ROBO1: variants seen among roughly 807,000 people sequenced by gnomAD.
The protein encoded by ROBO1 is roundabout guidance receptor 1, also known as roundabout homolog 1.
A neutral mutation model predicts 195.9 loss-of-function variants in ROBO1; 149 were observed. The ratio of observed to expected loss-of-function variants is 0.76; its 90% confidence interval spans 0.67 to 0.87. The LOEUF is 0.87. Among genes scored for constraint, ROBO1 ranks in the 40% least tolerant of loss-of-function variants. The pLI, the probability that ROBO1 is intolerant of heterozygous loss-of-function variation, is 0.00. For synonymous variants in ROBO1, 816 were observed against 733.2 expected (o/e 1.11, Z -1.82); for missense variants, 1,933 against 2,068.3 (o/e 0.93, Z 1.27).
At chr3:79,500,116 TC>T in intron 2 of ROBO1, among the ~76,000 whole-genome samples, 1 of 129,320 alleles carries the variant, frequency 7.7e-6, no homozygotes, top group East Asian at 2.2e-4. Flanking sequence ...CAGTAAGTTT[TC>T]TCTTTTTTTT....
intron 2 of ROBO1, among the ~76,000 whole-genome samples, chr3:79,540,465 TCC>T (rs1942022652): frequency 2.6e-5 from 4 of 152,190 alleles, no homozygotes; most frequent in Non-Finnish European, 5.9e-5. Context: ...TGTAATTATA[TCC>T]AATCCTATTA....
intron 4 of ROBO1, among the ~76,000 whole-genome samples, chr3:78,880,656 C>T (rs867819994): frequency 2.0e-5 from 3 of 152,124 alleles, no homozygotes; most frequent in Non-Finnish European, 2.9e-5. Context: ...ACAACCAGGC[C>T]GCTGCTCTTT....
At chr3:78,875,995 C>A (rs2035821192) in intron 4 of ROBO1, among the ~76,000 whole-genome samples, 1 of 151,704 alleles carries the variant, frequency 6.6e-6, no homozygotes, top group African/African-American at 2.4e-5. Context: ...TGAAGATTCA[C>A]CAATAAAGAA....
chr3:79,679,761 C>T (rs749379846), intron 1 of ROBO1, among the ~76,000 whole-genome samples: 21 of 151,598 alleles, frequency 1.4e-4, no homozygotes, highest in Non-Finnish European at 2.8e-4. Context: ...TTGACTTCTA[C>T]AAATGTGAGA....
intron 10 of ROBO1, among the ~76,000 whole-genome samples, chr3:78,682,541 A>T (rs139127458): frequency 0.011 from 1,691 of 148,180 alleles, 33 homozygotes; most frequent in African/African-American, 0.037. Context: ...ATATGTATAT[A>T]TAGTATATAT....
chr3:78,915,446 TAATA>T (rs528629850), intron 4 of ROBO1, among the ~76,000 whole-genome samples: 139 of 152,316 alleles, frequency 9.1e-4, no homozygotes, highest in Middle Eastern at 3.4e-3. Flanking sequence ...AATGAAATCA[TAATA>T]AATAGAGCAG....
chr3:79,713,187 T>A (rs1232662092), intron 1 of ROBO1, among the ~76,000 whole-genome samples: 1 of 151,928 alleles, frequency 6.6e-6, no homozygotes. Context: ...AGAGTTTTAA[T>A]GGAAATGTAC....
intron 2 of ROBO1, among the ~76,000 whole-genome samples, chr3:79,351,990 T>C (rs557662924): frequency 6.6e-6 from 1 of 152,210 alleles, no homozygotes; most frequent in Non-Finnish European, 1.5e-5. Flanking sequence ...CCATTCTACA[T>C]AAGCATTCCT....
At chr3:79,468,939 A>G (rs1009573384) in intron 2 of ROBO1, among the ~76,000 whole-genome samples, 1 of 152,198 alleles carries the variant, frequency 6.6e-6, no homozygotes. Context: ...TTTCCTTTGT[A>G]TCATAGAAGT....
chr3:79,617,234 G>C (rs1183818839), intron 1 of ROBO1, among the ~76,000 whole-genome samples: 1 of 152,098 alleles, frequency 6.6e-6, no homozygotes, highest in Non-Finnish European at 1.5e-5. Context: ...CAGGGTGTTT[G>C]AGAGTGAGCC....
intron 1 of ROBO1, among the ~76,000 whole-genome samples, chr3:79,646,750 A>C (rs1253768943): frequency 3.9e-5 from 6 of 152,166 alleles, no homozygotes; most frequent in Admixed American, 3.9e-4. Flanking sequence ...AAATTCTTTC[A>C]TTCACAGAAA....
rs1205890139 is a variant in ROBO1, at chr3:79,380,205, T to C, written c.88+209619A>G. 3.9e-5 allele frequency among the ~76,000 whole-genome samples: 6 copies of C among 152,336 alleles called. No homozygotes were observed. In the East Asian group the frequency reaches 1.2e-3, roughly 29 times the overall value. The stretch of plus-strand genomic sequence containing the variant: ...GGTTTGTCACTGAATATGTTACTTT[T>C]ACTATACCTACTCTTTACTCTTTTC... On this transcript the variant is annotated intron_variant, in intron 2 of 30. Coordinates refer to ENST00000464233, the MANE Select transcript of ROBO1 (RefSeq NM_002941.4).
chr3:79,034,267 T>A (rs2078344928), intron 3 of ROBO1, among the ~76,000 whole-genome samples: 1 of 152,174 alleles, frequency 6.6e-6, no homozygotes. Context: ...TCATATTTAA[T>A]ACTCAGAATT....
At chr3:78,907,174 T>C (rs2037973113) in intron 4 of ROBO1, among the ~76,000 whole-genome samples, 1 of 152,114 alleles carries the variant, frequency 6.6e-6, no homozygotes, top group African/African-American at 2.4e-5. Flanking sequence ...TGCAATGTTA[T>C]GTTAAAATCT....
chr3:79,707,027 G>T (rs1221110728), intron 1 of ROBO1, among the ~76,000 whole-genome samples: 1 of 152,030 alleles, frequency 6.6e-6, no homozygotes, highest in East Asian at 1.9e-4. Flanking sequence ...GAATAATTAA[G>T]AAATTATTTT....
At chr3:79,740,643 C>T (rs746365297) in intron 1 of ROBO1, among the ~76,000 whole-genome samples, 1 of 152,192 alleles carries the variant, frequency 6.6e-6, no homozygotes, top group Non-Finnish European at 1.5e-5. Context: ...CTCACTATCA[C>T]GAGAACAGTG....
At chr3:79,146,238 A>G (rs1002043506) in intron 2 of ROBO1, among the ~76,000 whole-genome samples, 1 of 151,932 alleles carries the variant, frequency 6.6e-6, no homozygotes, top group Non-Finnish European at 1.5e-5. Context: ...ACCTGTCATC[A>G]CTCACCGTGC....
rs562065825 is a variant in ROBO1, at chr3:79,490,754, CTGAT to C, written c.88+99066_88+99069del. ...AATGCGGTCAAGGACTCAAGCCCCT[CTGAT>C]TGGCCTTGTGCTTATGCATATTTGC... On this transcript the variant is annotated intron_variant, in intron 2 of 30. Transcript: ENST00000464233. 2.6e-5 allele frequency among the ~76,000 whole-genome samples: 4 copies of C among 152,288 alleles called. No homozygotes were observed. The South Asian group carries it at 8.3e-4, about 32-fold the overall frequency.
At chr3:78,967,850 A>G (rs2107887823) in intron 3 of ROBO1, among the ~76,000 whole-genome samples, 1 of 152,244 alleles carries the variant, frequency 6.6e-6, no homozygotes, top group East Asian at 1.9e-4. Context: ...TGGTATCTTT[A>G]AAAAAAGAAA....
Sources: allele counts gnomAD v4.1 joint callset (sites outside exome capture counted in the v4.1 genomes callset), GRCh38; gene constraint gnomAD v4.1.1; transcripts MANE v1.5; gene names NCBI Gene and HGNC (gene_info 2026-07-23, HGNC 2026-07-21).